Variants in GLS observed in about 807,000 individuals in gnomAD.
The protein encoded by GLS is glutaminase, also known as glutaminase kidney isoform, mitochondrial.
GLS carries 36 observed loss-of-function variants against 86.7 expected under a neutral mutation model. The observed-to-expected ratio is 0.42, with a 90% CI of 0.32 to 0.55. The LOEUF (loss-of-function observed/expected upper bound fraction) is 0.55, where lower values mean the gene tolerates loss of function less well. GLS is among the 20% of genes least tolerant of loss of function. The probability of loss-of-function intolerance (pLI) is 0.17; values close to 1 mark genes in which losing one functional copy is unlikely to be tolerated. For missense variants in GLS, 528 were observed against 833.4 expected (o/e 0.63, Z 4.51); for synonymous variants, 317 against 305.9 (o/e 1.04, Z -0.38).
chr2:190,963,104 T>C lies in GLS; in HGVS notation c.*118T>C. The stretch of plus-strand genomic sequence containing the variant: ...TATTTTACATTTGTCATTTCAGTGT[T>C]ACTGGAGTTTTCTTCATTGTGCACA... On this transcript the variant is annotated 3_prime_UTR_variant, in exon 18 of 18. Transcript: ENST00000320717. 2.7e-6 allele frequency: 2 copies of C among 733,514 alleles called. No individual in the cohort carries two copies. Among genetic ancestry groups the C allele is most frequent in the Non-Finnish European group, 2.2e-6 (1 of 464,726 alleles). The allele number at this position is 733,514 out of a possible 1,614,324, so 45.4% of individuals were successfully genotyped here.
Position 190,935,117 on chromosome 2 carries a change from T to C in GLS, c.1650+3480T>C. The C allele has an allele frequency of 2.1e-6, 2 of 939,582 alleles. No homozygotes were observed. Among genetic ancestry groups the C allele is most frequent in the Non-Finnish European group, 2.5e-6 (2 of 788,328 alleles). 58.2% of individuals were successfully genotyped at this position (939,582 alleles called of 1,614,324 possible). A position where few individuals can be genotyped will look rare whatever the true frequency, so the allele number is the denominator to read the frequency against. ...TCATTAACATTTCATTTGAAATGCA[T>C]ATTGTTCTTGAAGTACTTTGTTTTT... On this transcript the variant is annotated intron_variant, in intron 14 of 17. Transcript: ENST00000320717. This position sits in a 1 kb window ranked among gnomAD's most constrained non-coding sequence, Gnocchi z 4.2.
At chr2:190,912,473 A>T (rs1689397364) in intron 7 of GLS, among the ~76,000 whole-genome samples, 1 of 151,838 alleles carries the variant, frequency 6.6e-6, no homozygotes, top group Non-Finnish European at 1.5e-5. Context: ...GGAAAGGATT[A>T]AATTCATATA....
Position 190,924,871 on chromosome 2 carries a change from C to A in GLS, c.1248+278C>A. 1 of 295,472 alleles carries A rather than the reference C, an allele frequency of 3.4e-6. No individual in the cohort carries two copies. The highest frequency in any genetic ancestry group is 6.4e-6 in the Non-Finnish European group (1 of 156,376). 18.3% of individuals were successfully genotyped at this position (295,472 alleles called of 1,614,324 possible). A position where few individuals can be genotyped will look rare whatever the true frequency, so the allele number is the denominator to read the frequency against. ...CCGAGGTTGCAGTGAGCCGAGATCACGCCACTGCATTCCAGCCTGGCGACA... is the reference window on the plus strand; with the variant it reads ...CCGAGGTTGCAGTGAGCCGAGATCAAGCCACTGCATTCCAGCCTGGCGACA... On this transcript the variant is annotated intron_variant, in intron 11 of 17. Transcript: ENST00000320717. This position sits in a 1 kb window ranked among gnomAD's most constrained non-coding sequence, Gnocchi z 5.2.
At chr2:190,915,783 T>G (rs905857858) in intron 7 of GLS, among the ~76,000 whole-genome samples, 7 of 152,222 alleles carry the variant, frequency 4.6e-5, no homozygotes, top group Non-Finnish European at 8.8e-5. Context: ...TTTTGAAATA[T>G]TAGAGTCAGT....
At position 190,963,120 on chromosome 2, in the gene GLS, AT is replaced by A. The variant is rs1388471156; in HGVS notation, c.*136del. 3 of 640,146 alleles carry A rather than the reference AT, an allele frequency of 4.7e-6. No homozygotes were observed. Among genetic ancestry groups the A allele is most frequent in the Non-Finnish European group, 2.6e-6 (1 of 383,596 alleles). 39.7% of individuals were successfully genotyped at this position (640,146 alleles called of 1,614,324 possible). A position where few individuals can be genotyped will look rare whatever the true frequency, so the allele number is the denominator to read the frequency against. On this transcript the variant is annotated 3_prime_UTR_variant, in exon 18 of 18. Coordinates refer to ENST00000320717, the MANE Select transcript of GLS (RefSeq NM_014905.5). ...TTTCAGTGTTACTGGAGTTTTCTTCATTGTGCACACAGGACAAATCTGATCT... is the reference window on the plus strand; with the variant it reads ...TTTCAGTGTTACTGGAGTTTTCTTCATGTGCACACAGGACAAATCTGATCT...
At position 190,921,147 on chromosome 2, in the gene GLS, C is replaced by T; in HGVS notation, c.1074C>T (p.Val358=). 1 of 1,606,378 alleles carries T rather than the reference C, an allele frequency of 6.2e-7. No individual in the cohort carries two copies. The highest frequency in any genetic ancestry group is 8.5e-7 in the Non-Finnish European group (1 of 1,173,522). Reference sequence around the variant, plus strand: ...TATTCCCTACTTTTGGTTTCTAGGTCATGCAGTTTTTGAATAAGATGGCTG... The same window carrying T: ...TATTCCCTACTTTTGGTTTCTAGGTTATGCAGTTTTTGAATAAGATGGCTG... The part of the protein sequence containing the change: ...GVNNAEKFDY[V]MQFLNKMAGN... Residue 358 remains valine, a splice_region_variant and synonymous_variant, in exon 9 of 18, where the codon GTC becomes GTT. Coordinates refer to ENST00000320717, the MANE Select transcript of GLS (RefSeq NM_014905.5). This position sits in a 1 kb window ranked among gnomAD's most constrained non-coding sequence, Gnocchi z 4.2.
rs150221504 is a variant in GLS at position 190,899,615 on chromosome 2, G to A, written c.606-949G>A. 8.5e-5 allele frequency among the ~76,000 whole-genome samples: 13 copies of A among 152,086 alleles called. No homozygotes were observed. In the East Asian group the frequency reaches 2.3e-3, roughly 27 times the overall value. ...ATCGTTGGTATTATGGCTTAACACC[G>A]TGTTTAGCAAGTCTTCCTTTGTTAA... On this transcript the variant is annotated intron_variant, in intron 3 of 17. Transcript: ENST00000320717.
Position 190,956,610 on chromosome 2 carries a change from T to C in GLS, c.1853+1792T>C, listed in dbSNP as rs1377415164. Among the ~76,000 whole-genome samples the C allele has an allele frequency of 6.6e-6, 1 of 152,192 alleles. No individual in the cohort carries two copies. The highest frequency in any genetic ancestry group is 1.5e-5 in the Non-Finnish European group (1 of 68,032). On this transcript the variant is annotated intron_variant, in intron 17 of 17. Transcript: ENST00000320717. This position sits in a 1 kb window ranked among gnomAD's most constrained non-coding sequence, Gnocchi z 4.2. Reference sequence around the variant, plus strand: ...GCTCTTTTTTGGTTATATATGAAATTTAAGGTATTTTTTTTCTAATTCTGT... The same window carrying C: ...GCTCTTTTTTGGTTATATATGAAATCTAAGGTATTTTTTTTCTAATTCTGT...
chr2:190,933,696 A>C (rs986566661), intron 14 of GLS: 22 of 935,688 alleles, frequency 2.4e-5, no homozygotes, highest in Non-Finnish European at 2.0e-5. Context: ...TATTATCCAC[A>C]TAACTTTTTC....
At chr2:190,948,178 A>G (rs1034951497) in intron 14 of GLS, among the ~76,000 whole-genome samples, 5 of 152,164 alleles carry the variant, frequency 3.3e-5, no homozygotes, top group Non-Finnish European at 5.9e-5. Context: ...TCAAGCACCT[A>G]TCTTCTGGTT....
intron 14 of GLS, chr2:190,932,979 T>G: frequency 8.1e-7 from 1 of 1,236,792 alleles, no homozygotes; most frequent in Non-Finnish European, 1.0e-6. Flanking sequence ...TCTTGGGTGC[T>G]GGAGCCATAA....
chr2:190,957,407 C>T (rs1185951512), intron 17 of GLS, among the ~76,000 whole-genome samples: 1 of 152,142 alleles, frequency 6.6e-6, no homozygotes, highest in Non-Finnish European at 1.5e-5. Context: ...ATTTCTTTCC[C>T]TTGCCTGATT....
At chr2:190,933,444 T>C (rs1220678912) in intron 14 of GLS, 9 of 873,180 alleles carry the variant, frequency 1.0e-5, no homozygotes, top group Non-Finnish European at 1.2e-5. Context: ...TTAAAAAATT[T>C]ATTTAAAAAT....
intron 3 of GLS, among the ~76,000 whole-genome samples, chr2:190,899,481 T>G (rs1050593165): frequency 6.6e-6 from 1 of 152,142 alleles, no homozygotes; most frequent in African/African-American, 2.4e-5. Context: ...TTAGCTTTAA[T>G]TTGGTTTCAT....
At chr2:190,894,819 A>G (rs16833031) in intron 1 of GLS, among the ~76,000 whole-genome samples, 2,273 of 152,226 alleles carry the variant, frequency 0.015, 59 homozygotes, top group African/African-American at 0.05. Flanking sequence ...CGTTTGCTGA[A>G]CTCTATAATT....
chr2:190,905,227 A>G lies in GLS; in HGVS notation c.979+60A>G. 9.8e-7 allele frequency: 1 copy of G among 1,022,370 alleles called. No individual in the cohort carries two copies. 63.3% of individuals were successfully genotyped at this position (1,022,370 alleles called of 1,614,324 possible). A position where few individuals can be genotyped will look rare whatever the true frequency, so the allele number is the denominator to read the frequency against. On this transcript the variant is annotated intron_variant, in intron 6 of 17. Transcript: ENST00000320717. The surrounding 1 kb of genome is among the most constrained non-coding windows in gnomAD (Gnocchi z 4.6). ...ATGTCTCATTTTCCTATGTAAATCT[A>G]AGTCGTTTTAAACATTTTTTGATTA... is the stretch of plus-strand genomic sequence containing the variant.
intron 14 of GLS, among the ~76,000 whole-genome samples, chr2:190,940,043 T>C (rs1421691747): frequency 6.6e-6 from 1 of 151,894 alleles, no homozygotes; most frequent in Non-Finnish European, 1.5e-5. Flanking sequence ...TCCAAATCTT[T>C]TGATGTTGAC....
intron 17 of GLS, among the ~76,000 whole-genome samples, chr2:190,961,832 C>T (rs951256393): frequency 2.6e-5 from 4 of 151,926 alleles, no homozygotes; most frequent in African/African-American, 9.7e-5. Flanking sequence ...TGTGACTCCA[C>T]TAAGCGGGTA....
At chr2:190,908,540 G>A (rs146722247) in intron 6 of GLS, among the ~76,000 whole-genome samples, 16 of 152,280 alleles carry the variant, frequency 1.1e-4, no homozygotes, top group African/African-American at 3.1e-4. Flanking sequence ...CTGATATTTC[G>A]TTACTTTAAA....
Sources: gnomAD v4.1 joint callset for allele counts (sites outside exome capture counted in the v4.1 genomes callset) on GRCh38, gnomAD v4.1.1 for gene constraint, Gnocchi (gnomAD v3.1) non-coding constraint, MANE v1.5 for transcripts, NCBI Gene and HGNC (gene_info 2026-07-23, HGNC 2026-07-21) for gene names.